TXLNG: variants seen among roughly 807,000 people sequenced by gnomAD.
The protein encoded by TXLNG is taxilin gamma.
A neutral mutation model predicts 38.8 loss-of-function variants in TXLNG; 5 were observed. That is an observed-to-expected ratio of 0.13 (90% CI 0.07 to 0.27). The LOEUF (loss-of-function observed/expected upper bound fraction) is 0.27. Among genes scored for constraint, TXLNG ranks in the 10% least tolerant of loss-of-function variants. TXLNG has a pLI of 1.00. For synonymous variants in TXLNG, 182 were observed against 158.2 expected (o/e 1.15, Z -1.13); for missense variants, 393 against 398.2 (o/e 0.99, Z 0.11).
chrX:16,829,672 G>A lies in TXLNG; in HGVS notation c.766G>A (p.Glu256Lys), dbSNP rs1450295104. ...ITLNEIQAQLEQHDIHNAKLR... is the reference protein window; with the variant it reads ...ITLNEIQAQLKQHDIHNAKLR... ...CTTAAATGAAATTCAAGCCCAGCTG[G>A]AGCAGCATGACATCCACAACGCCAA... Residue 256 changes from glutamate to lysine, a missense_variant, in exon 5 of 10, where the codon GAG (glutamate) becomes AAG (lysine). Transcript: ENST00000380122. 8.3e-7 allele frequency: 1 copy of A among 1,212,054 alleles called. No individual in the cohort carries two copies.
chrX:16,835,193 A>C (rs757174912), intron 7 of TXLNG, among the ~76,000 whole-genome samples: 2 of 111,592 alleles, frequency 1.8e-5, no homozygotes, highest in East Asian at 5.6e-4. Flanking sequence ...CATTTGGCTG[A>C]AAGAAGTGTT....
chrX:16,843,739 C>G lies in TXLNG; in HGVS notation c.*1973C>G, dbSNP rs188245230. 8 of 112,045 alleles carry G rather than the reference C, an allele frequency of 7.1e-5. No homozygotes were observed. Among genetic ancestry groups the G allele is most frequent in the African/African-American group, 2.6e-4 (8 of 30,848 alleles). 9.2% of individuals were successfully genotyped at this position (112,045 alleles called of 1,213,427 possible). ...TGGGCCTGTTGCATACTTCCAAGGGCTTTAAAGCAATGTGATTAACAGTAC... is the reference window on the plus strand; with the variant it reads ...TGGGCCTGTTGCATACTTCCAAGGGGTTTAAAGCAATGTGATTAACAGTAC... On this transcript the variant is annotated 3_prime_UTR_variant, in exon 10 of 10. Coordinates refer to ENST00000380122, the MANE Select transcript of TXLNG (RefSeq NM_018360.3).
intron 3 of TXLNG, among the ~76,000 whole-genome samples, chrX:16,820,965 T>G (rs1020470832): frequency 4.6e-5 from 5 of 107,658 alleles, no homozygotes; most frequent in Middle Eastern, 4.5e-3. Context: ...GAGATGGGGT[T>G]TCACCGTGTT....
At chrX:16,833,419 T>G (rs778344082) in intron 6 of TXLNG, among the ~76,000 whole-genome samples, 16 of 111,985 alleles carry the variant, frequency 1.4e-4, no homozygotes, top group African/African-American at 5.2e-4. Context: ...TAATGCAGAC[T>G]GTTGCATCCA....
At chrX:16,822,228 C>T (rs1292583911) in intron 3 of TXLNG, among the ~76,000 whole-genome samples, 1 of 108,274 alleles carries the variant, frequency 9.2e-6, no homozygotes, top group Non-Finnish European at 1.9e-5. Context: ...GTAGTCCCAG[C>T]TACTCGGGAG....
intron 3 of TXLNG, among the ~76,000 whole-genome samples, chrX:16,827,389 A>G (rs988497318): frequency 9.0e-6 from 1 of 111,142 alleles, no homozygotes. Flanking sequence ...GGCCTTCAAC[A>G]TTGGAGTAGG....
chrX:16,786,503 G>A lies in TXLNG; in HGVS notation c.16G>A (p.Glu6Lys). 1 of 1,116,809 alleles carries A rather than the reference G, an allele frequency of 9.0e-7. No homozygotes were observed. Among genetic ancestry groups the A allele is most frequent in the Non-Finnish European group, 1.2e-6 (1 of 850,800 alleles). 92.0% of individuals were successfully genotyped at this position (1,116,809 alleles called of 1,213,427 possible). The change falls in exon 1 of 10, where the codon GAG becomes AAG. Residue 6 changes from glutamate to lysine, a missense_variant. Physicochemically the swap from Glu to Lys is moderately conservative, Grantham distance 56. Coordinates refer to ENST00000380122, the MANE Select transcript of TXLNG (RefSeq NM_018360.3). ...CCGTCACCTCATGGCGACGCGGGTA[G>A]AGGAGGCAGCGCGGGGAAGAGGCGG... is the stretch of plus-strand genomic sequence containing the variant. MATRV[E>K]EAARGRGGGA... is the part of the protein sequence containing the mutation.
chrX:16,837,984 T>C (rs1005418530), intron 8 of TXLNG, among the ~76,000 whole-genome samples: 1 of 112,171 alleles, frequency 8.9e-6, no homozygotes, highest in Non-Finnish European at 1.9e-5. Context: ...TTAACCACTT[T>C]AGAGGATCAT....
rs1929898937 is a variant in TXLNG, at chrX:16,842,631, G to A, written c.*865G>A. ...GAAGTCCCTTGTCAAAGACAAGGACGGTCAATTCACGTGTCACTTTCACTA... is the reference window on the plus strand; with the variant it reads ...GAAGTCCCTTGTCAAAGACAAGGACAGTCAATTCACGTGTCACTTTCACTA... On this transcript the variant is annotated 3_prime_UTR_variant, in exon 10 of 10. Transcript: ENST00000380122. 8.9e-6 allele frequency: 1 copy of A among 112,325 alleles called. No individual in the cohort carries two copies. The highest frequency in any genetic ancestry group is 9.4e-5 in the Admixed American group (1 of 10,609). The allele number at this position is 112,325 out of a possible 1,213,427, so 9.3% of individuals were successfully genotyped here.
intron 1 of TXLNG, among the ~76,000 whole-genome samples, chrX:16,791,344 C>T (rs956645349): frequency 6.1e-5 from 6 of 98,338 alleles, no homozygotes; most frequent in African/African-American, 2.2e-4. Context: ...AACTTCCACT[C>T]TTCTGGTACA....
intron 1 of TXLNG, among the ~76,000 whole-genome samples, chrX:16,804,971 A>AC (rs755782507): frequency 0.012 from 20 of 1,678 alleles, no homozygotes; most frequent in Admixed American, 0.03. Flanking sequence ...ACCACTGCCC[A>AC]CCCCCCCCCC....
At chrX:16,822,340 C>CAA (rs1220004254) in intron 3 of TXLNG, among the ~76,000 whole-genome samples, 2 of 93,825 alleles carry the variant, frequency 2.1e-5, no homozygotes, top group African/African-American at 3.9e-5. Flanking sequence ...GACTCTGACT[C>CAA]AAAAAAAAAA....
Position 16,844,185 on chromosome X carries a change from T to A in TXLNG, c.*2419T>A, listed in dbSNP as rs1474048938. The A allele has an allele frequency of 8.9e-6, 1 of 112,033 alleles. No individual in the cohort carries two copies. The highest frequency in any genetic ancestry group is 3.3e-5 in the African/African-American group (1 of 30,727). The allele number at this position is 112,033 out of a possible 1,213,427, so 9.2% of individuals were successfully genotyped here. A position where few individuals can be genotyped will look rare whatever the true frequency, so the allele number is the denominator to read the frequency against. On this transcript the variant is annotated 3_prime_UTR_variant, in exon 10 of 10. Transcript: ENST00000380122. Reference sequence around the variant, plus strand: ...TCCTCAGACTTGTTAGGAGTACATTTCTTGGTCTTGAGACCAGTATTTTTC... The same window carrying A: ...TCCTCAGACTTGTTAGGAGTACATTACTTGGTCTTGAGACCAGTATTTTTC...
At chrX:16,836,219 G>A (rs1353754212) in intron 7 of TXLNG, among the ~76,000 whole-genome samples, 2 of 111,999 alleles carry the variant, frequency 1.8e-5, no homozygotes, top group African/African-American at 3.2e-5. Context: ...CCGTGATTGC[G>A]CCACTGCACT....
intron 1 of TXLNG, among the ~76,000 whole-genome samples, chrX:16,797,778 C>G (rs1425997456): frequency 8.9e-6 from 1 of 112,564 alleles, no homozygotes; most frequent in East Asian, 2.8e-4. Flanking sequence ...TCAGCCCACA[C>G]TCAAGGGGAG....
At chrX:16,827,344 C>T (rs1167523967) in intron 3 of TXLNG, among the ~76,000 whole-genome samples, 1 of 111,691 alleles carries the variant, frequency 9.0e-6, no homozygotes, top group Non-Finnish European at 1.9e-5. Context: ...AACAGCAATT[C>T]GGGACATGCC....
intron 1 of TXLNG, among the ~76,000 whole-genome samples, chrX:16,817,560 C>T (rs1437756376): frequency 6.3e-5 from 7 of 111,676 alleles, no homozygotes; most frequent in Non-Finnish European, 1.3e-4. Context: ...CTAAACACCT[C>T]CTCACCTCAA....
At chrX:16,834,516 T>C (rs772195603) in intron 7 of TXLNG, among the ~76,000 whole-genome samples, 159 bp downstream of exon 7, 1 of 111,569 alleles carries the variant, frequency 9.0e-6, no homozygotes, top group African/African-American at 3.3e-5. Context: ...CTCTTGGTAT[T>C]TTCCACTTTA....
Position 16,824,186 on chromosome X carries a change from G to A in TXLNG, c.499-3908G>A, listed in dbSNP as rs746631173. On this transcript the variant is annotated intron_variant, in intron 3 of 9. Coordinates refer to ENST00000380122, the MANE Select transcript of TXLNG (RefSeq NM_018360.3). ...GTTCAAGACCAGCCTGGGCAACGTCGCAAGACCCTGTACACACACACACAC... is the reference window on the plus strand; with the variant it reads ...GTTCAAGACCAGCCTGGGCAACGTCACAAGACCCTGTACACACACACACAC... 3.6e-5 allele frequency among the ~76,000 whole-genome samples: 4 copies of A among 111,744 alleles called. No individual in the cohort carries two copies. The East Asian group carries it at 8.4e-4, about 24-fold the overall frequency.
Sources: allele counts gnomAD v4.1 joint callset (sites outside exome capture counted in the v4.1 genomes callset), GRCh38; gene constraint gnomAD v4.1.1; transcripts MANE v1.5; gene names NCBI Gene and HGNC (gene_info 2026-07-23, HGNC 2026-07-21).